The following PCDH15 variants were observed in gnomAD, a reference collection of about 807,000 sequenced individuals.
The protein encoded by PCDH15 is protocadherin-15.
Under a neutral mutation model 178.5 loss-of-function variants are expected in PCDH15, and 129 were observed. The observed-to-expected ratio is 0.72, with a 90% CI of 0.63 to 0.84. PCDH15 has a LOEUF of 0.84. PCDH15 is among the 40% of genes least tolerant of loss of function. The pLI, the probability that PCDH15 is intolerant of heterozygous loss-of-function variation, is 0.00. For synonymous variants in PCDH15, 800 were observed against 732.0 expected, an observed-to-expected ratio of 1.09 and a Z score of -1.50; for missense variants, 2,230 against 2,099.9, an observed-to-expected ratio of 1.06 and a Z score of -1.21.
At chr10:54,096,420 T>C (rs1290652291) in intron 15 of PCDH15, among the ~76,000 whole-genome samples, 1 of 152,106 alleles carries the variant, frequency 6.6e-6, no homozygotes, top group Admixed American at 6.6e-5. Context: ...CTCTACACTA[T>C]TTATCATACT....
chr10:55,289,040 C>T, intron 1 of PCDH15, among the ~76,000 whole-genome samples: 1 of 151,864 alleles, frequency 6.6e-6, no homozygotes, highest in East Asian at 1.9e-4. Flanking sequence ...TATTTACTTA[C>T]CAACATAAAA....
intron 2 of PCDH15, among the ~76,000 whole-genome samples, chr10:54,968,923 A>G (rs1404324780): frequency 2.0e-5 from 3 of 152,058 alleles, no homozygotes; most frequent in Non-Finnish European, 4.4e-5. Flanking sequence ...CCTATCCAGT[A>G]TATTTTTCAT....
chr10:54,179,818 T>TGAGAATCACAGTTTAA (rs2047808075), intron 13 of PCDH15, among the ~76,000 whole-genome samples: 1 of 152,192 alleles, frequency 6.6e-6, no homozygotes, highest in African/African-American at 2.4e-5. Flanking sequence ...CAATTATCAT[T>TGAGAATCACAGTTTAA]GAGAATCACA....
chr10:55,003,928 G>T (rs747154695), intron 2 of PCDH15, among the ~76,000 whole-genome samples: 9 of 152,224 alleles, frequency 5.9e-5, no homozygotes, highest in Non-Finnish European at 1.3e-4. Context: ...ATACATGCAG[G>T]TATCTGCAGG....
rs545418095 is a variant in PCDH15 at position 53,924,068 on chromosome 10, G to A, written c.3373+14747C>T. 3.3e-5 allele frequency among the ~76,000 whole-genome samples: 5 copies of A among 152,034 alleles called. No individual in the cohort carries two copies. In the South Asian group the frequency reaches 6.2e-4, roughly 19 times the overall value. ...ATCTCAGCACCTCCTCAGCCTTGGC[G>A]CCCACTCTGGCCGCGCTTGAGGAGC... On this transcript the variant is annotated intron_variant, in intron 25 of 37. Transcript: ENST00000644397.
chr10:53,925,236 C>T (rs1422310203), intron 25 of PCDH15, among the ~76,000 whole-genome samples: 1 of 152,084 alleles, frequency 6.6e-6, no homozygotes, highest in Non-Finnish European at 1.5e-5. Context: ...TGCAGCTTCA[C>T]TCCTGAGGCC....
chr10:55,266,966 A>G (rs1156678083), intron 1 of PCDH15, among the ~76,000 whole-genome samples: 3 of 152,200 alleles, frequency 2.0e-5, no homozygotes, highest in African/African-American at 7.2e-5. Context: ...AGATGCTGCC[A>G]TGGGGTTGGA....
chr10:54,163,699 G>C (rs980461505), intron 13 of PCDH15, among the ~76,000 whole-genome samples: 3 of 152,108 alleles, frequency 2.0e-5, no homozygotes, highest in Non-Finnish European at 4.4e-5. Context: ...GAATCAAGTA[G>C]AGATGGCTTT....
chr10:54,307,278 T>C (rs1323697798), intron 8 of PCDH15, among the ~76,000 whole-genome samples: 3 of 149,560 alleles, frequency 2.0e-5, no homozygotes, highest in Non-Finnish European at 4.4e-5. Context: ...TTTTTAAATG[T>C]TTCAGTATAA....
chr10:54,333,122 A>C (rs558454392), intron 6 of PCDH15, among the ~76,000 whole-genome samples: 40 of 151,826 alleles, frequency 2.6e-4, no homozygotes, highest in Non-Finnish European at 4.7e-4. Context: ...TTTATTTTTT[A>C]CTTTTAGTAG....
intron 1 of PCDH15, among the ~76,000 whole-genome samples, chr10:55,275,308 GATT>G (rs1842561263): frequency 6.6e-6 from 1 of 151,410 alleles, no homozygotes; most frequent in Non-Finnish European, 1.5e-5. Context: ...AGTGTCTCTT[GATT>G]ATTAGAAGTT....
intron 1 of PCDH15, among the ~76,000 whole-genome samples, chr10:55,169,529 A>T (rs1839276843): frequency 6.6e-6 from 1 of 152,178 alleles, no homozygotes; most frequent in Non-Finnish European, 1.5e-5. Flanking sequence ...ACCTTCAACC[A>T]AACCTGAATA....
At chr10:55,054,686 T>G (rs1841253399) in intron 2 of PCDH15, among the ~76,000 whole-genome samples, 1 of 152,164 alleles carries the variant, frequency 6.6e-6, no homozygotes, top group Non-Finnish European at 1.5e-5. Flanking sequence ...ATTTGTTATT[T>G]TTTGACTTTG....
In PCDH15 at chr10:55,449,611, C is replaced by T. The variant is rs144005183; in HGVS notation, c.-156+178014G>A. On this transcript the variant is annotated intron_variant, in intron 2 of 5. Coordinates refer to the PCDH15 transcript ENST00000613346. ...AAAAGATAGAATACTTTAGTTAAAACGTCCTATACAAAACGAAATATATGA... is the reference window on the plus strand; with the variant it reads ...AAAAGATAGAATACTTTAGTTAAAATGTCCTATACAAAACGAAATATATGA... Among the ~76,000 whole-genome samples, 578 of 152,116 alleles carry T rather than the reference C, an allele frequency of 3.8e-3. 8 individuals carry two copies. Among genetic ancestry groups the T allele is most frequent in the African/African-American group, 0.013 (547 of 41,532 alleles).
At chr10:55,421,897 A>G (rs1459753223) in intron 2 of PCDH15, among the ~76,000 whole-genome samples, 1 of 151,734 alleles carries the variant, frequency 6.6e-6, no homozygotes, top group African/African-American at 2.4e-5. Context: ...ACAGTTGACA[A>G]CAAGATAAAA....
intron 2 of PCDH15, chr10:54,607,826 A>C (rs763731704): frequency 3.8e-6 from 2 of 524,692 alleles, no homozygotes; most frequent in Non-Finnish European, 7.8e-6. Context: ...GGTAAGGAAG[A>C]GATATGATGC....
At chr10:55,438,118 A>G (rs1439957245) in intron 2 of PCDH15, among the ~76,000 whole-genome samples, 1 of 151,754 alleles carries the variant, frequency 6.6e-6, no homozygotes, top group Non-Finnish European at 1.5e-5. Flanking sequence ...TACAGGCATG[A>G]GCCCCTGCGC....
At chr10:54,909,368 C>A (rs114828618) in intron 2 of PCDH15, among the ~76,000 whole-genome samples, 1 of 152,042 alleles carries the variant, frequency 6.6e-6, no homozygotes, top group Non-Finnish European at 1.5e-5. Flanking sequence ...TTTCCTTAGC[C>A]CCTGTCTCAG....
intron 2 of PCDH15, among the ~76,000 whole-genome samples, chr10:55,408,302 C>T (rs1838251073): frequency 6.6e-6 from 1 of 151,818 alleles, no homozygotes; most frequent in Admixed American, 6.6e-5. Flanking sequence ...TCTTCTGCCT[C>T]AGCTTGCCGA....
Sources: gnomAD v4.1 joint callset for allele counts (sites outside exome capture counted in the v4.1 genomes callset) on GRCh38, gnomAD v4.1.1 for gene constraint, MANE v1.5 for transcripts, NCBI Gene and HGNC (gene_info 2026-07-23, HGNC 2026-07-21) for gene names.